Variants in UGT2A1 observed in about 807,000 individuals in gnomAD.
UGT2A1 encodes the protein UDP-glucuronosyltransferase 2A1.
Under a neutral mutation model 45.4 loss-of-function variants are expected in UGT2A1, and 61 were observed. The observed-to-expected ratio is 1.34, with a 90% CI of 1.09 to 1.66. The LOEUF (loss-of-function observed/expected upper bound fraction) is 1.66. Among genes scored for constraint, UGT2A1 ranks in the 40% most tolerant of loss-of-function variants. UGT2A1 has a pLI of 0.00. For missense variants in UGT2A1, 649 were observed against 574.3 expected, an observed-to-expected ratio of 1.13 and a Z score of -1.33; for synonymous variants, 229 against 196.2, an observed-to-expected ratio of 1.17 and a Z score of -1.40.
At chr4:69,607,308 A>G (rs1719694703) in intron 3 of UGT2A1, among the ~76,000 whole-genome samples, 1 of 151,492 alleles carries the variant, frequency 6.6e-6, no homozygotes, top group African/African-American at 2.4e-5. Context: ...GACAAAAACA[A>G]GAAATGGGGA....
At position 69,612,664 on chromosome 4, in the gene UGT2A1, C is replaced by T. The variant is rs1440286808; in HGVS notation, c.848-13270G>A. 7.9e-5 allele frequency among the ~76,000 whole-genome samples: 12 copies of T among 151,938 alleles called. No homozygotes were observed. The East Asian group carries it at 2.1e-3, about 27-fold the overall frequency. ...TATTCAATAAATGGTGCTGGGATAA[C>T]TGGCTAGCCATATGCAGAAGAAAGA... On this transcript the variant is annotated intron_variant, in intron 3 of 6. Coordinates refer to ENST00000286604, the MANE Select transcript of UGT2A1 (RefSeq NM_001252275.3).
intron 3 of UGT2A1, among the ~76,000 whole-genome samples, chr4:69,615,995 T>C (rs1033668813): frequency 1.3e-5 from 2 of 152,040 alleles, no homozygotes; most frequent in African/African-American, 2.4e-5. Context: ...AGCCAAGATA[T>C]GGAATCAACC....
chr4:69,613,195 A>G (rs1408233719), intron 3 of UGT2A1, among the ~76,000 whole-genome samples: 1 of 151,910 alleles, frequency 6.6e-6, no homozygotes, highest in Non-Finnish European at 1.5e-5. Flanking sequence ...ACAGACATAT[A>G]GACATATAAC....
rs929179141 is a variant in UGT2A1, at chr4:69,589,154, A to T, written c.*218T>A. The T allele has an allele frequency of 8.1e-6, 4 of 491,816 alleles. No individual in the cohort carries two copies. The highest frequency in any genetic ancestry group is 1.3e-5 in the Non-Finnish European group (4 of 313,368). 30.5% of individuals were successfully genotyped at this position (491,816 alleles called of 1,614,324 possible). On this transcript the variant is annotated 3_prime_UTR_variant, in exon 7 of 7. Transcript: ENST00000286604. ...AAGAGGGTATAGTCAGCAGGGAGAG[A>T]CAAAGGAAAAATAGAAGACTATAAC...
chr4:69,601,956 C>T (rs1166121408), intron 3 of UGT2A1, among the ~76,000 whole-genome samples: 1 of 136,424 alleles, frequency 7.3e-6, no homozygotes, highest in African/African-American at 3.0e-5. Flanking sequence ...TAGAGTAAAA[C>T]TAAGACAACT....
At chr4:69,650,500 A>G (rs978265732) in intron 1 of UGT2A1, among the ~76,000 whole-genome samples, 3 of 152,066 alleles carry the variant, frequency 2.0e-5, no homozygotes, top group Non-Finnish European at 1.5e-5. Context: ...ATTTTCTCAT[A>G]TATAAAATGA....
rs549554939 is a variant in UGT2A1 at position 69,635,115 on chromosome 4, A to G, written c.847+576T>C. Among the ~76,000 whole-genome samples the G allele has an allele frequency of 7.3e-4, 111 of 152,302 alleles. 1 individual carries two copies. Among genetic ancestry groups the G allele is most frequent in the African/African-American group, 2.4e-3 (100 of 41,562 alleles). ...CTACTATGTACCCACAAGAAAGTTT[A>G]AAAATAAAAATAAAAATAAATTTAA... On this transcript the variant is annotated intron_variant, in intron 3 of 6. Coordinates refer to ENST00000286604, the MANE Select transcript of UGT2A1 (RefSeq NM_001252275.3).
intron 3 of UGT2A1, among the ~76,000 whole-genome samples, chr4:69,633,084 G>C (rs1200721312): frequency 6.6e-6 from 1 of 152,104 alleles, no homozygotes; most frequent in Non-Finnish European, 1.5e-5. Context: ...TGAAGAATGA[G>C]AAGTAAGAGG....
chr4:69,637,184 T>C (rs578252074), intron 2 of UGT2A1, among the ~76,000 whole-genome samples: 9 of 152,166 alleles, frequency 5.9e-5, no homozygotes, highest in African/African-American at 9.6e-5. Context: ...GGTTAAATTA[T>C]GCCTTAAAGG....
In UGT2A1 at chr4:69,635,847, A is replaced by AAAAAAAAT. The variant is rs1351077445; in HGVS notation, c.716-26_716-25insATTTTTTT. 5.1e-5 allele frequency: 7 copies of AAAAAAAAT among 136,958 alleles called. No homozygotes were observed. The South Asian group carries it at 1.4e-3, about 27-fold the overall frequency. 8.5% of individuals were successfully genotyped at this position (136,958 alleles called of 1,614,324 possible). On this transcript the variant is annotated intron_variant, in intron 2 of 6. Transcript: ENST00000286604. ...CCTCACCAAAAAAAAAAAAAAAAAA[A>AAAAAAAAT]AAAGAGAGAGAGAGAGAGAAATAAG...
chr4:69,609,707 TATAC>T, intron 3 of UGT2A1, among the ~76,000 whole-genome samples: 1 of 152,070 alleles, frequency 6.6e-6, no homozygotes, highest in Non-Finnish European at 1.5e-5. Context: ...TACCTATACC[TATAC>T]TTATTGGGTG....
In UGT2A1 at chr4:69,647,459, T is replaced by C. The variant is rs758799284; in HGVS notation, c.186A>G (p.Thr62=). 9.3e-6 allele frequency: 15 copies of C among 1,612,932 alleles called. 1 individual carries two copies. The South Asian group carries it at 1.5e-4, about 17-fold the overall frequency. Residue 62 remains threonine, a synonymous_variant, in exon 2 of 7, where the codon ACA becomes ACG. Transcript: ENST00000286604. The part of the protein sequence containing the change: ...VLVASGALFI[T]PTSNPSLTFE... ...ATGTCAGAGATGGGTTAGAGGTTGG[T>C]GTGATGAAAAGTGCACCAGAGGCAA...
chr4:69,601,576 A>G (rs544389201), intron 3 of UGT2A1, among the ~76,000 whole-genome samples: 32 of 152,214 alleles, frequency 2.1e-4, no homozygotes, highest in African/African-American at 7.2e-4. Context: ...TATCACTATT[A>G]CCTGCATCAC....
At chr4:69,617,701 AAT>A (rs1553905606) in intron 3 of UGT2A1, among the ~76,000 whole-genome samples, 1 of 151,808 alleles carries the variant, frequency 6.6e-6, no homozygotes, top group Non-Finnish European at 1.5e-5. Flanking sequence ...ATACTAAAAT[AAT>A]ATAAATTATT....
At position 69,589,608 on chromosome 4, in the gene UGT2A1, G is replaced by T. The variant is rs1026709013; in HGVS notation, c.1348C>A (p.Gln450Lys). Reference protein sequence around the residue: ...AMRLSRIHHDQPVKPLDRAVF... With the variant: ...AMRLSRIHHDKPVKPLDRAVF... ...GCTCGATCCAGGGGCTTTACAGGTTGATCATGGTGAATTCTTGATAACCTC... is the reference window on the plus strand; with the variant it reads ...GCTCGATCCAGGGGCTTTACAGGTTTATCATGGTGAATTCTTGATAACCTC... Residue 450 changes from glutamine to lysine, a missense_variant, in exon 7 of 7, where the codon CAA (glutamine) becomes AAA (lysine). Transcript: ENST00000286604. 6.2e-7 allele frequency: 1 copy of T among 1,613,898 alleles called. No homozygotes were observed. The highest frequency in any genetic ancestry group is 8.5e-7 in the Non-Finnish European group (1 of 1,179,840).
chr4:69,616,648 G>A (rs1455696601), intron 3 of UGT2A1, among the ~76,000 whole-genome samples: 1 of 151,862 alleles, frequency 6.6e-6, no homozygotes, highest in African/African-American at 2.4e-5. Flanking sequence ...TAATTTGAGA[G>A]AAATGAAGCC....
intron 3 of UGT2A1, among the ~76,000 whole-genome samples, chr4:69,623,891 G>C (rs1412577835): frequency 6.6e-6 from 1 of 151,450 alleles, no homozygotes; most frequent in Non-Finnish European, 1.5e-5. Context: ...AAACAAGAAA[G>C]ATAAAGATTT....
At chr4:69,641,556 G>A (rs759428599) in intron 2 of UGT2A1, among the ~76,000 whole-genome samples, 2 of 151,814 alleles carry the variant, frequency 1.3e-5, no homozygotes, top group African/African-American at 2.4e-5. Context: ...TTTTGGGGAT[G>A]AGTGATTCAG....
chr4:69,606,781 GACAA>G lies in UGT2A1; in HGVS notation c.848-7391_848-7388del, dbSNP rs1719652173. Among the ~76,000 whole-genome samples, 2 of 136,348 alleles carry G rather than the reference GACAA, an allele frequency of 1.5e-5. 1 individual carries two copies. Among genetic ancestry groups the G allele is most frequent in the Non-Finnish European group, 3.1e-5 (2 of 64,240 alleles). The allele number at this position is 136,348 out of a possible 152,430, so 89.4% of individuals were successfully genotyped here. A position where few individuals can be genotyped will look rare whatever the true frequency, so the allele number is the denominator to read the frequency against. On this transcript the variant is annotated intron_variant, in intron 3 of 6. Transcript: ENST00000286604. ...CAAGCATTCTTATACACCAATAACAGACAAACAGAGAGCCAAATCACGAGTGAGC... is the reference window on the plus strand; with the variant it reads ...CAAGCATTCTTATACACCAATAACAGACAGAGAGCCAAATCACGAGTGAGC...
Sources: gnomAD v4.1 joint callset for allele counts (sites outside exome capture counted in the v4.1 genomes callset) on GRCh38, gnomAD v4.1.1 for gene constraint, MANE v1.5 for transcripts, NCBI Gene and HGNC (gene_info 2026-07-23, HGNC 2026-07-21) for gene names.